The following LRRC37A2 variants were observed in gnomAD, a reference collection of about 807,000 sequenced individuals.
The protein encoded by LRRC37A2 is leucine rich repeat containing 37 member A2.
In LRRC37A2, 9 loss-of-function variants were observed where a neutral mutation model predicts 68.8. That is an observed-to-expected ratio of 0.13 (90% CI 0.08 to 0.23). The LOEUF (loss-of-function observed/expected upper bound fraction) is 0.23, where lower values mean the gene tolerates loss of function less well. LRRC37A2 is among the 10% of genes least tolerant of loss of function. The pLI is 1.00. For synonymous variants in LRRC37A2, 63 were observed against 367.6 expected (o/e 0.17, Z 9.48); for missense variants, 168 against 950.4 (o/e 0.18, Z 10.82).
At chr17:46,936,831 G>A in the LRRC37A2 span, 10 of 984,962 alleles carry the variant, frequency 1.0e-5, no homozygotes, top group Middle Eastern at 2.1e-3. Flanking sequence ...AATGAAGTTT[G>A]ACTTGTAATT....
the LRRC37A2 span, among the ~76,000 whole-genome samples, chr17:46,900,202 T>TATATATATATATATATATATACAC: frequency 9.9e-6 from 1 of 101,168 alleles, no homozygotes; most frequent in South Asian, 2.9e-4. Flanking sequence ...TATATATATA[T>TATATATATATATATATATATACAC]ACACACACAC....
the LRRC37A2 span, among the ~76,000 whole-genome samples, chr17:46,880,997 G>A: frequency 6.6e-6 from 1 of 152,238 alleles, no homozygotes; most frequent in Non-Finnish European, 1.5e-5. Flanking sequence ...GCACAGCCAT[G>A]CAGTGGTTTG....
At chr17:46,834,723 G>A in the LRRC37A2 span, among the ~76,000 whole-genome samples, 21 of 152,148 alleles carry the variant, frequency 1.4e-4, no homozygotes, top group East Asian at 3.9e-3. Context: ...AACCTGGAAG[G>A]TTCCCTCTGC....
the LRRC37A2 span, among the ~76,000 whole-genome samples, chr17:46,960,276 C>A: frequency 4.5e-4 from 69 of 152,246 alleles, no homozygotes; most frequent in Non-Finnish European, 8.1e-4. Context: ...CAATAGAAGA[C>A]AAATTAGACA....
At chr17:46,904,467 TG>T in the LRRC37A2 span, among the ~76,000 whole-genome samples, 57 of 147,062 alleles carry the variant, frequency 3.9e-4, no homozygotes, top group Admixed American at 8.8e-4. Context: ...GATGGATGGA[TG>T]GATGGATGGA....
the LRRC37A2 span, among the ~76,000 whole-genome samples, chr17:46,864,959 GT>G: frequency 1.3e-5 from 2 of 152,182 alleles, no homozygotes; most frequent in African/African-American, 2.4e-5. Flanking sequence ...ACGTATAATG[GT>G]TTGAATGGTG....
the LRRC37A2 span, among the ~76,000 whole-genome samples, chr17:46,921,666 G>A: frequency 2.0e-5 from 3 of 152,132 alleles, no homozygotes; most frequent in African/African-American, 7.2e-5. Context: ...TCAACAAGTG[G>A]GCGAAGGATA....
the LRRC37A2 span, among the ~76,000 whole-genome samples, chr17:46,783,281 C>A: frequency 1.3e-5 from 2 of 152,198 alleles, no homozygotes; most frequent in East Asian, 3.9e-4. Context: ...TGATTTAGCC[C>A]CAGCTGTCAA....
the LRRC37A2 span, among the ~76,000 whole-genome samples, chr17:47,038,985 C>T: frequency 5.5e-5 from 8 of 145,744 alleles, no homozygotes; most frequent in East Asian, 2.2e-4. Flanking sequence ...TGAGCCACTG[C>T]GCCCAACCAG....
At chr17:46,820,980 G>C in the LRRC37A2 span, 2 of 152,140 alleles carry the variant, frequency 1.3e-5, no homozygotes, top group South Asian at 4.2e-4. Context: ...CTCCACAGGT[G>C]CCAACCCTGT....
chr17:46,525,693 G>A (rs2052648537), intron 6 of LRRC37A2, among the ~76,000 whole-genome samples: 1 of 117,638 alleles, frequency 8.5e-6, no homozygotes. Flanking sequence ...GGAAAACACT[G>A]GAATCACAGT....
the LRRC37A2 span, among the ~76,000 whole-genome samples, chr17:46,894,684 C>T: frequency 3.3e-5 from 5 of 152,320 alleles, no homozygotes; most frequent in South Asian, 2.1e-4. Flanking sequence ...GGCCGCCAGC[C>T]GGCCCCCCTC....
chr17:46,880,389 T>G, the LRRC37A2 span, among the ~76,000 whole-genome samples: 2 of 152,182 alleles, frequency 1.3e-5, no homozygotes, highest in Middle Eastern at 3.2e-3. Flanking sequence ...TGAGCACCCC[T>G]TATGTCCATT....
At chr17:46,994,191 C>G in the LRRC37A2 span, among the ~76,000 whole-genome samples, 1 of 151,820 alleles carries the variant, frequency 6.6e-6, no homozygotes, top group Non-Finnish European at 1.5e-5. Context: ...TTGAGACCAG[C>G]CTGGCCAACA....
At chr17:46,827,874 A>C in the LRRC37A2 span, among the ~76,000 whole-genome samples, 1 of 150,980 alleles carries the variant, frequency 6.6e-6, no homozygotes, top group East Asian at 1.9e-4. Context: ...CAGTGGTGCA[A>C]TCTCGGCTCA....
chr17:46,940,798 T>G, the LRRC37A2 span: 1 of 1,492,288 alleles, frequency 6.7e-7, no homozygotes. Context: ...AGAGGTGGTT[T>G]TTGGGTCTTT....
At chr17:46,728,089 G>A in the LRRC37A2 span, among the ~76,000 whole-genome samples, 1 of 152,096 alleles carries the variant, frequency 6.6e-6, no homozygotes, top group Non-Finnish European at 1.5e-5. Context: ...GGGGGCCTGC[G>A]AGTAGCTCTA....
chr17:46,491,682 A>T, the LRRC37A2 span, among the ~76,000 whole-genome samples: 533 of 129,862 alleles, frequency 4.1e-3, no homozygotes, highest in Middle Eastern at 0.025. Context: ...TTTAATGGTT[A>T]ACTGTTGGTT....
chr17:46,993,073 ATT>A, the LRRC37A2 span, among the ~76,000 whole-genome samples: 6 of 149,406 alleles, frequency 4.0e-5, no homozygotes, highest in South Asian at 2.1e-4. Flanking sequence ...AGAGATTTTG[ATT>A]TTTTTTTTTT....
Sources: gnomAD v4.1 joint callset for allele counts (sites outside exome capture counted in the v4.1 genomes callset) on GRCh38, gnomAD v4.1.1 for gene constraint, MANE v1.5 for transcripts, NCBI Gene and HGNC (gene_info 2026-07-23, HGNC 2026-07-21) for gene names.